Variants in C1orf159 observed in about 807,000 individuals in gnomAD.
C1orf159 encodes the protein uncharacterized protein C1orf159.
A neutral mutation model predicts 25.6 loss-of-function variants in C1orf159; 19 were observed. That is an observed-to-expected ratio of 0.74 (90% CI 0.52 to 1.09). The LOEUF (loss-of-function observed/expected upper bound fraction) is 1.09, where lower values mean the gene tolerates loss of function less well. Ranked by LOEUF, C1orf159 falls within the 50% of genes least tolerant of loss-of-function variation. The probability of loss-of-function intolerance (pLI) is 0.00; values close to 1 mark genes in which losing one functional copy is unlikely to be tolerated. For missense variants in C1orf159, 274 were observed against 290.6 expected (o/e 0.94, Z 0.42); for synonymous variants, 139 against 124.7 (o/e 1.12, Z -0.77).
chr1:1,092,135 T>C (rs1645948980), intron 1 of C1orf159, 32 bp from the exon 2 acceptor site: 1 of 381,282 alleles, frequency 2.6e-6, no homozygotes, highest in African/African-American at 2.1e-5. Flanking sequence ...GAGGCCGTGG[T>C]CACGCGAGGG....
chr1:1,108,874 TCAG>T (rs1203227381), intron 1 of C1orf159, among the ~76,000 whole-genome samples: 1 of 92,372 alleles, frequency 1.1e-5, no homozygotes, highest in Non-Finnish European at 1.9e-5. Context: ...CCACCATGTC[TCAG>T]CAGCACCGTC....
At chr1:1,090,467 G>A (rs759949963) in intron 3 of C1orf159, 39 bp from the exon 4 acceptor site, 2 of 1,544,168 alleles carry the variant, frequency 1.3e-6, no homozygotes, top group South Asian at 1.2e-5. Flanking sequence ...GGACGCGCCT[G>A]CCAGGCAGGC....
At chr1:1,112,823 C>G (rs983617226) in intron 1 of C1orf159, among the ~76,000 whole-genome samples, 1 of 152,256 alleles carries the variant, frequency 6.6e-6, no homozygotes, top group Admixed American at 6.5e-5. Context: ...TCACATCGCC[C>G]GTCTGGCCCT....
intron 9 of C1orf159, 171 bp from the exon 10 acceptor site, chr1:1,083,158 C>T: frequency 1.8e-6 from 1 of 563,338 alleles, no homozygotes; most frequent in Non-Finnish European, 3.1e-6. Flanking sequence ...AAGGCGCCCT[C>T]AGAGCTCCAG....
At chr1:1,103,571 G>GCAGGGGT (rs1274587054) in intron 1 of C1orf159, among the ~76,000 whole-genome samples, 2 of 152,174 alleles carry the variant, frequency 1.3e-5, no homozygotes, top group Admixed American at 6.5e-5. Context: ...CAGGGTGCAC[G>GCAGGGGT]CAGGGGTCAG....
chr1:1,090,764 G>A lies in C1orf159; in HGVS notation c.73-336C>T, dbSNP rs912498177. 13 of 948,652 alleles carry A rather than the reference G, an allele frequency of 1.4e-5. No homozygotes were observed. In the African/African-American group the frequency reaches 1.8e-4, roughly 13 times the overall value. 58.8% of individuals were successfully genotyped at this position (948,652 alleles called of 1,614,324 possible). On this transcript the variant is annotated intron_variant, in intron 3 of 9. Coordinates refer to ENST00000421241, the MANE Select transcript of C1orf159 (RefSeq NM_017891.5). Reference sequence around the variant, plus strand: ...AGTCTCCGGAGGCTCTCCATCAGGGGTTTCCGCTTGACCCCACAGAGGAAG... The same window carrying A: ...AGTCTCCGGAGGCTCTCCATCAGGGATTTCCGCTTGACCCCACAGAGGAAG...
At chr1:1,098,253 T>G (rs1237038054) in intron 1 of C1orf159, among the ~76,000 whole-genome samples, 1 of 151,956 alleles carries the variant, frequency 6.6e-6, no homozygotes, top group African/African-American at 2.4e-5. Context: ...AAACTTTTAG[T>G]AGAGATGGGG....
chr1:1,102,522 G>A (rs1646115213), intron 1 of C1orf159, among the ~76,000 whole-genome samples: 1 of 144,790 alleles, frequency 6.9e-6, no homozygotes, highest in Non-Finnish European at 1.5e-5. Context: ...GCTCACGCCT[G>A]TAATCCCAGC....
In C1orf159 at chr1:1,089,919, C is replaced by G. The variant is rs150978024; in HGVS notation, c.148+434G>C. On this transcript the variant is annotated intron_variant, in intron 4 of 9. Transcript: ENST00000421241. This position sits in a 1 kb window ranked among gnomAD's most constrained non-coding sequence, Gnocchi z 7.5. ...GCACGCTGACACAGGCCGGCATCCT[C>G]GTGGCGTCCTGTTGATTGGCATTCC... 1.3e-5 allele frequency among the ~76,000 whole-genome samples: 2 copies of G among 152,218 alleles called. No individual in the cohort carries two copies. Among genetic ancestry groups the G allele is most frequent in the Non-Finnish European group, 2.9e-5 (2 of 68,036 alleles).
chr1:1,085,848 C>T (rs1645819659), intron 7 of C1orf159, 30 bp downstream of exon 7: 1 of 1,611,498 alleles, frequency 6.2e-7, no homozygotes, highest in African/African-American at 1.3e-5. Context: ...CTGTGCCCTC[C>T]CGTGGGGCAG....
intron 9 of C1orf159, chr1:1,083,628 A>C: frequency 2.2e-6 from 1 of 454,152 alleles, no homozygotes; most frequent in Non-Finnish European, 4.0e-6. Flanking sequence ...TCTGAACTCT[A>C]GGATAGTCAG....
chr1:1,087,442 A>C lies in C1orf159; in HGVS notation c.244+60T>G. On this transcript the variant is annotated intron_variant, in intron 5 of 9. Transcript: ENST00000421241. The surrounding 1 kb of genome is among the most constrained non-coding windows in gnomAD (Gnocchi z 8.3). The stretch of plus-strand genomic sequence containing the variant: ...GGTGGGGACACAGACAGCAACTCCC[A>C]CAGTGTCTCCCACAGCTGGAGCTGT... 1 of 1,450,188 alleles carries C rather than the reference A, an allele frequency of 6.9e-7. No homozygotes were observed. The highest frequency in any genetic ancestry group is 1.2e-5 in the South Asian group (1 of 80,480). The allele number at this position is 1,450,188 out of a possible 1,614,324, so 89.8% of individuals were successfully genotyped here.
chr1:1,085,751 C>T, intron 7 of C1orf159, 127 bp downstream of exon 7: 1 of 1,247,314 alleles, frequency 8.0e-7, no homozygotes, highest in Non-Finnish European at 1.1e-6. Context: ...ACAGGACAGG[C>T]CCTGCTCCCT....
chr1:1,094,066 A>C (rs899580890), intron 1 of C1orf159, among the ~76,000 whole-genome samples: 1 of 151,418 alleles, frequency 6.6e-6, no homozygotes, highest in African/African-American at 2.4e-5. Context: ...CATTTTGTTT[A>C]ATTGGGTGGA....
chr1:1,088,888 C>T (rs901526258), intron 4 of C1orf159, among the ~76,000 whole-genome samples: 34 of 152,310 alleles, frequency 2.2e-4, no homozygotes, highest in Admixed American at 2.0e-3. Context: ...GAAGTCCACC[C>T]GCTCAGTCCT....
intron 7 of C1orf159, among the ~76,000 whole-genome samples, chr1:1,085,533 G>A (rs1288832572): frequency 1.3e-5 from 1 of 78,160 alleles, no homozygotes; most frequent in African/African-American, 3.5e-5. Context: ...GAGGAGCCCA[G>A]GCAAGTCCAA....
At position 1,090,388 on chromosome 1, in the gene C1orf159, T is replaced by G. The variant is rs1645909482; in HGVS notation, c.113A>C (p.Asn38Thr). 6.5e-7 allele frequency: 1 copy of G among 1,549,720 alleles called. No homozygotes were observed. The highest frequency in any genetic ancestry group is 1.4e-5 in the African/African-American group (1 of 72,804). Reference protein sequence around the residue: ...PECCVDVVGVNASCPGASLCG... With the variant: ...PECCVDVVGVTASCPGASLCG... Reference sequence around the variant, plus strand: ...CAGACTTGCGCCTGGGCAGCTGGCGTTGACGCCCACCACATCCACACAGCA... The same window carrying G: ...CAGACTTGCGCCTGGGCAGCTGGCGGTGACGCCCACCACATCCACACAGCA... Residue 38 changes from asparagine (N) to threonine (T), a missense_variant, in exon 4 of 10, where the codon AAC becomes ACC. Transcript: ENST00000421241.
chr1:1,090,760 A>G, intron 3 of C1orf159: 1 of 915,784 alleles, frequency 1.1e-6, no homozygotes, highest in Non-Finnish European at 1.7e-6. Flanking sequence ...GCTCTCCATC[A>G]GGGGTTTCCG....
At chr1:1,091,184 G>C (rs1422994133) in intron 3 of C1orf159, 12 of 615,546 alleles carry the variant, frequency 1.9e-5, no homozygotes, top group Non-Finnish European at 3.4e-5. Flanking sequence ...GGCACGCTGT[G>C]CTGTCACCGC....
Sources: allele counts gnomAD v4.1 joint callset (sites outside exome capture counted in the v4.1 genomes callset), GRCh38; gene constraint gnomAD v4.1.1; non-coding constraint Gnocchi (gnomAD v3.1); transcripts MANE v1.5; gene names NCBI Gene and HGNC (gene_info 2026-07-23, HGNC 2026-07-21).